ACACA: variants seen among roughly 807,000 people sequenced by gnomAD.
ACACA encodes the protein acetyl-CoA carboxylase 1.
ACACA carries 103 observed loss-of-function variants against 296.1 expected under a neutral mutation model. That is an observed-to-expected ratio of 0.35 (90% CI 0.30 to 0.41). ACACA has a LOEUF of 0.41. ACACA is among the 10% of genes least tolerant of loss of function. The pLI, the probability that ACACA is intolerant of heterozygous loss-of-function variation, is 1.00. For missense variants in ACACA, 1,554 were observed against 2,989.7 expected, an observed-to-expected ratio of 0.52 and a Z score of 11.20; for synonymous variants, 953 against 1,038.6, an observed-to-expected ratio of 0.92 and a Z score of 1.58.
intron 55 of ACACA, among the ~76,000 whole-genome samples, chr17:37,088,269 CAA>C (rs2072356576): frequency 6.6e-6 from 1 of 152,072 alleles, no homozygotes; most frequent in Admixed American, 6.5e-5. Context: ...CTATTCTCAG[CAA>C]ATGCACACTG....
intron 54 of ACACA, 50 bp downstream of exon 54, chr17:37,096,946 G>C (rs372147527): frequency 1.2e-6 from 2 of 1,607,304 alleles, no homozygotes; most frequent in South Asian, 2.2e-5. Context: ...CAGCCCTCAG[G>C]TGGTGTGAGG....
chr17:37,247,982 C>G, intron 18 of ACACA, 29 bp downstream of exon 18: 1 of 1,613,438 alleles, frequency 6.2e-7, no homozygotes, highest in Non-Finnish European at 8.5e-7. Context: ...ACAGGATGAC[C>G]AGCAAATGGA....
At chr17:37,286,420 T>A (rs2082774814) in intron 3 of ACACA, among the ~76,000 whole-genome samples, 1 of 152,232 alleles carries the variant, frequency 6.6e-6, no homozygotes, top group South Asian at 2.1e-4. Context: ...CTATTGTCTC[T>A]CAGCTCCAAA....
chr17:37,156,323 A>T (rs2076251154), intron 42 of ACACA, among the ~76,000 whole-genome samples: 1 of 152,084 alleles, frequency 6.6e-6, no homozygotes, highest in Admixed American at 6.6e-5. Context: ...TCGGCCTCCC[A>T]AAGTGCTGGG....
rs1282225948 is a variant in ACACA, at chr17:37,225,092, G to A, written c.3374C>T (p.Ser1125Phe). The change falls in exon 27 of 56, where the codon TCC becomes TTC. Residue 1125 changes from serine to phenylalanine, a missense_variant. Coordinates refer to ENST00000616317, the MANE Select transcript of ACACA (RefSeq NM_198834.3). ...GCGAAGCTCATATGATGGCAAATGG[G>A]AGGCAATAAGAACCTAGAGTGAGAA... Reference protein sequence around the residue: ...ALRARQVLIASHLPSYELRHN... With the variant: ...ALRARQVLIAFHLPSYELRHN... 6.2e-7 allele frequency: 1 copy of A among 1,606,846 alleles called. No homozygotes were observed. Among genetic ancestry groups the A allele is most frequent in the Non-Finnish European group, 8.5e-7 (1 of 1,173,616 alleles).
At chr17:37,244,369 GA>G (rs10668354) in intron 21 of ACACA, among the ~76,000 whole-genome samples, 39 of 144,112 alleles carry the variant, frequency 2.7e-4, no homozygotes, top group Admixed American at 4.8e-4. Context: ...CCGTCTCGAG[GA>G]AAAAAAAAAA....
chr17:37,383,603 A>C lies in ACACA; in HGVS notation c.38+22659T>G, dbSNP rs549356586. ...CGCTTTGTCCCCCAGGATGGGGTAC[A>C]GTGGTGCAACCTCAGCTCACTGCAA... On this transcript the variant is annotated intron_variant, in intron 1 of 55. Transcript: ENST00000616317. Among the ~76,000 whole-genome samples the C allele has an allele frequency of 6.8e-4, 103 of 152,384 alleles. No homozygotes were observed. In the South Asian group the frequency reaches 0.021, roughly 31 times the overall value.
chr17:37,209,238 G>C (rs1243771203), intron 30 of ACACA, among the ~76,000 whole-genome samples: 1 of 152,180 alleles, frequency 6.6e-6, no homozygotes, highest in Non-Finnish European at 1.5e-5. Flanking sequence ...ATTCAGAGTT[G>C]TATTACCACA....
chr17:37,325,770 C>T, intron 3 of ACACA, among the ~76,000 whole-genome samples: 1 of 151,612 alleles, frequency 6.6e-6, no homozygotes, highest in East Asian at 2.0e-4. Context: ...GATGGGGTTT[C>T]TCCATGTTGG....
intron 1 of ACACA, among the ~76,000 whole-genome samples, chr17:37,359,886 G>C (rs2049336604): frequency 6.6e-6 from 1 of 152,052 alleles, no homozygotes; most frequent in Non-Finnish European, 1.5e-5. Flanking sequence ...GGCGTGTTGA[G>C]GAGAAGCCTC....
At chr17:37,308,246 A>G (rs2083972621) in intron 3 of ACACA, among the ~76,000 whole-genome samples, 1 of 152,198 alleles carries the variant, frequency 6.6e-6, no homozygotes, top group Non-Finnish European at 1.5e-5. Context: ...GGAAATTAAG[A>G]AAATATTTTA....
chr17:37,406,241 A>G (rs1034342180), intron 1 of ACACA, 21 bp downstream of exon 1: 3 of 1,613,362 alleles, frequency 1.9e-6, no homozygotes, highest in Non-Finnish European at 2.5e-6. Flanking sequence ...AACAGCAGTA[A>G]TAAGAGATCT....
chr17:37,137,296 C>T (rs1034802039), intron 45 of ACACA, among the ~76,000 whole-genome samples: 5 of 152,278 alleles, frequency 3.3e-5, no homozygotes, highest in Middle Eastern at 3.4e-3. Flanking sequence ...AGTGTCCAGG[C>T]CCCAAGAGTA....
chr17:37,403,609 C>T (rs2051364277), intron 1 of ACACA, among the ~76,000 whole-genome samples: 1 of 151,896 alleles, frequency 6.6e-6, no homozygotes, highest in African/African-American at 2.4e-5. Flanking sequence ...AACTCCTGAA[C>T]TCAAGTGATC....
chr17:37,226,253 G>T, intron 26 of ACACA, 86 bp downstream of exon 26: 1 of 995,640 alleles, frequency 1.0e-6, no homozygotes, highest in Non-Finnish European at 1.6e-6. Context: ...TCTTTGTAAA[G>T]TGATTAAGCA....
At chr17:37,259,622 T>C (rs2081356305) in intron 11 of ACACA, 92 bp from the exon 12 acceptor site, 3 of 1,373,112 alleles carry the variant, frequency 2.2e-6, no homozygotes, top group Non-Finnish European at 3.1e-6. Context: ...GTTCAGTGTG[T>C]ATAAGAGCCA....
intron 38 of ACACA, 112 bp downstream of exon 38, chr17:37,191,008 C>T: frequency 1.4e-5 from 18 of 1,295,862 alleles, no homozygotes; most frequent in Non-Finnish European, 2.0e-5. Flanking sequence ...AGATTAAGGG[C>T]TCAACAGCCT....
intron 3 of ACACA, among the ~76,000 whole-genome samples, chr17:37,326,713 C>A (rs1252776091): frequency 6.6e-6 from 1 of 151,752 alleles, no homozygotes; most frequent in African/African-American, 2.4e-5. Flanking sequence ...CCTGTAATCT[C>A]AGCTACTTGG....
intron 45 of ACACA, among the ~76,000 whole-genome samples, chr17:37,147,793 A>G (rs2075875669): frequency 6.6e-6 from 1 of 152,200 alleles, no homozygotes; most frequent in Admixed American, 6.5e-5. Context: ...TCACCCTGTA[A>G]CTAAGCTTTT....
Sources: gnomAD v4.1 joint callset for allele counts (sites outside exome capture counted in the v4.1 genomes callset) on GRCh38, gnomAD v4.1.1 for gene constraint, MANE v1.5 for transcripts, NCBI Gene and HGNC (gene_info 2026-07-23, HGNC 2026-07-21) for gene names.